WDFY3: variants seen among roughly 807,000 people sequenced by gnomAD.
WDFY3 encodes WD repeat and FYVE domain containing 3, also known as WD repeat and FYVE domain-containing protein 3.
Under a neutral mutation model 409.6 loss-of-function variants are expected in WDFY3, and 66 were observed. The observed-to-expected ratio is 0.16, with a 90% CI of 0.13 to 0.20. WDFY3 has a LOEUF of 0.20. Ranked by LOEUF, WDFY3 falls within the 10% of genes least tolerant of loss-of-function variation. The pLI is 1.00. For synonymous variants in WDFY3, 1,521 were observed against 1,537.1 expected, an observed-to-expected ratio of 0.99 and a Z score of 0.25; for missense variants, 3,031 against 4,298.1, an observed-to-expected ratio of 0.71 and a Z score of 8.24.
chr4:84,677,115 C>A (rs1726423710), intron 67 of WDFY3, 84 bp downstream of exon 67: 3 of 1,525,062 alleles, frequency 2.0e-6, no homozygotes, highest in Non-Finnish European at 2.7e-6. Context: ...GACGCCAGGG[C>A]AAATCAGAAC....
intron 30 of WDFY3, among the ~76,000 whole-genome samples, chr4:84,770,510 T>C (rs1001055083): frequency 2.0e-5 from 3 of 152,208 alleles, no homozygotes; most frequent in Non-Finnish European, 2.9e-5. Context: ...GGTATTCCTA[T>C]ACTTTCCTTC....
rs183006772 is a variant in WDFY3 at position 84,673,076 on chromosome 4, G to A, written c.10458-85C>T. ...GGAAACATTAATAATCGAATGGAAA[G>A]CTTGCAGTAAAATGCCAAAGGCCAT... On this transcript the variant is annotated intron_variant, in intron 67 of 67. Transcript: ENST00000295888. 1.3e-5 allele frequency: 21 copies of A among 1,572,724 alleles called. No homozygotes were observed. In the Admixed American group the frequency reaches 2.3e-4, roughly 17 times the overall value.
At chr4:84,802,236 C>G (rs1056643760) in intron 16 of WDFY3, among the ~76,000 whole-genome samples, 1 of 151,696 alleles carries the variant, frequency 6.6e-6, no homozygotes, top group East Asian at 2.0e-4. Context: ...CGTGAGCCAC[C>G]GCACCCGGCA....
chr4:84,847,590 C>G (rs1445377595), intron 5 of WDFY3, among the ~76,000 whole-genome samples: 1 of 143,344 alleles, frequency 7.0e-6, no homozygotes, highest in African/African-American at 2.6e-5. Context: ...CACAGTGAAA[C>G]CCCGTCTCTA....
intron 2 of WDFY3, among the ~76,000 whole-genome samples, chr4:84,927,521 T>C (rs753165795): frequency 7.2e-5 from 11 of 152,136 alleles, no homozygotes; most frequent in Non-Finnish European, 1.5e-4. Flanking sequence ...CCCAGTGAAA[T>C]GGTTTGGCTT....
At chr4:84,913,593 T>C (rs1311276513) in intron 2 of WDFY3, among the ~76,000 whole-genome samples, 1 of 152,004 alleles carries the variant, frequency 6.6e-6, no homozygotes, top group African/African-American at 2.4e-5. Context: ...AGATGTAGAA[T>C]AAGCAGTGCC....
At position 84,736,339 on chromosome 4, in the gene WDFY3, T is replaced by C. The variant is rs773742062; in HGVS notation, c.6758-12A>G. ...TTTCTTTTCATGGGCTATTAAAAAATCAAATTAGATTATTTTATAATTTCT... is the reference window on the plus strand; with the variant it reads ...TTTCTTTTCATGGGCTATTAAAAAACCAAATTAGATTATTTTATAATTTCT... On this transcript the variant is annotated splice_polypyrimidine_tract_variant and intron_variant, in intron 41 of 67. Transcript: ENST00000295888. The C allele has an allele frequency of 1.3e-6, 2 of 1,570,152 alleles. No homozygotes were observed. The highest frequency in any genetic ancestry group is 2.2e-5 in the East Asian group (1 of 44,460).
intron 1 of WDFY3, among the ~76,000 whole-genome samples, chr4:84,961,215 CA>C (rs35416764): frequency 2.2e-3 from 238 of 109,098 alleles, no homozygotes; most frequent in East Asian, 2.2e-3. Flanking sequence ...GACTCTGTCT[CA>C]AAAAAAAAAA....
chr4:84,755,300 A>G lies in WDFY3; in HGVS notation c.5525T>C (p.Leu1842Ser). 6.2e-7 allele frequency: 1 copy of G among 1,612,816 alleles called. No homozygotes were observed. The highest frequency in any genetic ancestry group is 1.3e-5 in the African/African-American group (1 of 74,912). Residue 1842 changes from leucine to serine, a missense_variant, in exon 34 of 68, where the codon TTA (leucine) becomes TCA (serine). Around this residue, in one of 16 missense-constraint regions of WDFY3, gnomAD observed 342 missense variants for 463.7 expected, o/e 0.74. Coordinates refer to ENST00000295888, the MANE Select transcript of WDFY3 (RefSeq NM_014991.6). ...IHNVCTEAVF[L>S]LLGMLRSMLT... The stretch of plus-strand genomic sequence containing the variant: ...CATGCTGCGGAGCATTCCCAATAAT[A>G]AAAAAACAGCTTCTGTGCATACGTT...
chr4:84,673,211 C>G (rs1725708659), intron 67 of WDFY3, among the ~76,000 whole-genome samples: 1 of 151,978 alleles, frequency 6.6e-6, no homozygotes. Flanking sequence ...CTTTGACTGA[C>G]AAGAATTAAA....
chr4:84,830,284 A>C (rs895982019), intron 8 of WDFY3, among the ~76,000 whole-genome samples: 1 of 152,168 alleles, frequency 6.6e-6, no homozygotes, highest in Non-Finnish European at 1.5e-5. Context: ...ATTCAATAGA[A>C]ACTGTACTTT....
chr4:84,916,714 T>C (rs190788484), intron 2 of WDFY3, among the ~76,000 whole-genome samples: 30 of 152,280 alleles, frequency 2.0e-4, no homozygotes, highest in East Asian at 3.9e-4. Flanking sequence ...TCTTGATAAA[T>C]TGAAAATGAA....
chr4:84,748,977 G>C (rs975977489), intron 36 of WDFY3, among the ~76,000 whole-genome samples: 1 of 151,018 alleles, frequency 6.6e-6, no homozygotes. Flanking sequence ...CTGCAACTTT[G>C]AACACCTGGG....
intron 44 of WDFY3, among the ~76,000 whole-genome samples, chr4:84,727,945 A>G (rs1735935399): frequency 6.6e-6 from 1 of 152,210 alleles, no homozygotes; most frequent in South Asian, 2.1e-4. Context: ...TTAGAAGATA[A>G]AAGTATAATG....
Position 84,828,938 on chromosome 4 carries a change from T to G in WDFY3, c.956+66A>C, listed in dbSNP as rs1406137793. The G allele has an allele frequency of 1.2e-5, 17 of 1,443,168 alleles. No homozygotes were observed. The East Asian group carries it at 4.0e-4, about 34-fold the overall frequency. 89.4% of individuals were successfully genotyped at this position (1,443,168 alleles called of 1,614,324 possible). A position where few individuals can be genotyped will look rare whatever the true frequency, so the allele number is the denominator to read the frequency against. On this transcript the variant is annotated intron_variant, in intron 9 of 67. Transcript: ENST00000295888. ...GCTTTTCCTATAACCCCAAATCACA[T>G]TGTTTTCTTTGATAAAAAAGACTGA...
At chr4:84,753,619 C>G in intron 35 of WDFY3, 78 bp downstream of exon 35, 1 of 1,414,220 alleles carries the variant, frequency 7.1e-7, no homozygotes, top group Non-Finnish European at 9.3e-7. Flanking sequence ...CAAAAAAAAT[C>G]TGCTAACCAT....
intron 44 of WDFY3, among the ~76,000 whole-genome samples, chr4:84,731,093 G>A (rs1736522765): frequency 6.6e-6 from 1 of 152,250 alleles, no homozygotes; most frequent in African/African-American, 2.4e-5. Context: ...CACTGCGCCT[G>A]GCAAAAGTCT....
intron 2 of WDFY3, among the ~76,000 whole-genome samples, chr4:84,931,021 T>C (rs957541349): frequency 6.6e-6 from 1 of 152,186 alleles, no homozygotes; most frequent in African/African-American, 2.4e-5. Flanking sequence ...GTAGTTATTA[T>C]TGTTAATCTC....
At chr4:84,908,811 G>A (rs1767384836) in intron 2 of WDFY3, among the ~76,000 whole-genome samples, 2 of 152,014 alleles carry the variant, frequency 1.3e-5, no homozygotes, top group Admixed American at 1.3e-4. Flanking sequence ...AGTGTTCTAA[G>A]GTTGAAACTC....
Sources: gnomAD v4.1 joint callset for allele counts (sites outside exome capture counted in the v4.1 genomes callset) on GRCh38, gnomAD v4.1.1 for gene constraint, gnomAD v4.1.1 regional missense constraint, MANE v1.5 for transcripts, NCBI Gene and HGNC (gene_info 2026-07-23, HGNC 2026-07-21) for gene names.